SPAG16: variants seen among roughly 807,000 people sequenced by gnomAD.
SPAG16 encodes the protein sperm-associated antigen 16 protein.
Under a neutral mutation model 80.4 loss-of-function variants are expected in SPAG16, and 86 were observed. That is an observed-to-expected ratio of 1.07 (90% CI 0.90 to 1.28). The LOEUF (loss-of-function observed/expected upper bound fraction) is 1.28. SPAG16 is among the 50% of genes most tolerant of loss of function. SPAG16 has a pLI of 0.00. For missense variants in SPAG16, 870 were observed against 765.3 expected, an observed-to-expected ratio of 1.14 and a Z score of -1.61; for synonymous variants, 294 against 265.9, an observed-to-expected ratio of 1.11 and a Z score of -1.03.
At chr2:213,328,280 A>T (rs1473346817) in intron 5 of SPAG16, among the ~76,000 whole-genome samples, 2 of 152,056 alleles carry the variant, frequency 1.3e-5, no homozygotes, top group Non-Finnish European at 2.9e-5. Flanking sequence ...ACTTTTTTTT[A>T]AAAATACAGG....
intron 10 of SPAG16, among the ~76,000 whole-genome samples, chr2:213,816,874 A>G (rs962131071): frequency 3.3e-5 from 5 of 152,032 alleles, no homozygotes; most frequent in African/African-American, 9.7e-5. Flanking sequence ...GTGAAGCCCA[A>G]TATTACTGTA....
intron 12 of SPAG16, among the ~76,000 whole-genome samples, chr2:213,968,595 G>C (rs2044846452): frequency 6.6e-6 from 1 of 152,166 alleles, no homozygotes; most frequent in Non-Finnish European, 1.5e-5. Context: ...CTGTATGTTT[G>C]GGCAATGATT....
intron 10 of SPAG16, among the ~76,000 whole-genome samples, chr2:213,606,367 C>T (rs1425134777): frequency 6.6e-6 from 1 of 152,162 alleles, no homozygotes; most frequent in Non-Finnish European, 1.5e-5. Context: ...AATTCACGCT[C>T]CCACAAGCAA....
At chr2:213,976,135 T>TATATATATATATATATACACACAC (rs749957411) in intron 12 of SPAG16, among the ~76,000 whole-genome samples, 3 of 81,414 alleles carry the variant, frequency 3.7e-5, no homozygotes, top group African/African-American at 1.1e-4. Flanking sequence ...TATATATATA[T>TATATATATATATATATACACACAC]ACACACACAC....
chr2:213,309,123 AT>A (rs887521647), intron 3 of SPAG16, among the ~76,000 whole-genome samples: 2 of 152,072 alleles, frequency 1.3e-5, no homozygotes, highest in Admixed American at 1.3e-4. Flanking sequence ...GTGCTTCAGA[AT>A]TTTTGGCTAT....
chr2:213,389,804 A>G (rs1320829375), intron 9 of SPAG16, among the ~76,000 whole-genome samples: 1 of 152,182 alleles, frequency 6.6e-6, no homozygotes, highest in Non-Finnish European at 1.5e-5. Context: ...TGGTATAGTC[A>G]CTATGGGAAA....
chr2:213,885,038 C>A (rs1330780494), intron 11 of SPAG16, among the ~76,000 whole-genome samples: 1 of 152,106 alleles, frequency 6.6e-6, no homozygotes, highest in Admixed American at 6.6e-5. Flanking sequence ...TGGTAGACTC[C>A]TTTGGAGGTA....
intron 10 of SPAG16, among the ~76,000 whole-genome samples, chr2:213,590,433 A>G (rs1261215505): frequency 1.3e-5 from 2 of 151,612 alleles, no homozygotes; most frequent in Non-Finnish European, 2.9e-5. Context: ...AAAGAACTTC[A>G]ACAAAACAAC....
At chr2:214,035,269 C>T (rs549559151) in intron 13 of SPAG16, among the ~76,000 whole-genome samples, 5 of 152,272 alleles carry the variant, frequency 3.3e-5, no homozygotes, top group South Asian at 2.1e-4. Flanking sequence ...TTCCCACTCG[C>T]GTCCATGGGC....
intron 10 of SPAG16, among the ~76,000 whole-genome samples, chr2:213,832,504 A>G (rs1221135733): frequency 6.6e-6 from 1 of 152,120 alleles, no homozygotes; most frequent in Non-Finnish European, 1.5e-5. Flanking sequence ...CATAGAAAGT[A>G]CAGTCCCTCT....
chr2:213,976,693 G>T (rs1366224651), intron 12 of SPAG16, among the ~76,000 whole-genome samples: 1 of 152,018 alleles, frequency 6.6e-6, no homozygotes, highest in South Asian at 2.1e-4. Flanking sequence ...CATATGAAAG[G>T]CTTGAAGAGA....
chr2:214,402,580 GA>G (rs1701770997), intron 15 of SPAG16, among the ~76,000 whole-genome samples: 1 of 151,830 alleles, frequency 6.6e-6, no homozygotes, highest in Non-Finnish European at 1.5e-5. Context: ...TGCCAACATA[GA>G]AAGCATAAGC....
Position 213,930,028 on chromosome 2 carries a change from GCATTTTGACCTTTGAAGGA to G in SPAG16, c.1286_1304del (p.Ile429ThrfsTer47). 1 of 1,614,122 alleles carries G rather than the reference GCATTTTGACCTTTGAAGGA, an allele frequency of 6.2e-7. No individual in the cohort carries two copies. The highest frequency in any genetic ancestry group is 8.5e-7 in the Non-Finnish European group (1 of 1,179,966). On this transcript the variant is annotated frameshift_variant, in exon 12 of 16. Coordinates refer to ENST00000331683, the MANE Select transcript of SPAG16 (RefSeq NM_024532.5). LOFTEE classifies it high-confidence loss of function. The stretch of plus-strand genomic sequence containing the variant: ...TTATGGGATCTATGTAAAGGCGATT[GCATTTTGACCTTTGAAGGA>G]CACAGCCGCGCAGTGTGGTCCTGCA...
intron 9 of SPAG16, among the ~76,000 whole-genome samples, chr2:213,414,005 T>A (rs2125406411): frequency 6.6e-6 from 1 of 152,292 alleles, no homozygotes; most frequent in Non-Finnish European, 1.5e-5. Flanking sequence ...ATGTTTAACT[T>A]TGTACCTGAA....
At chr2:213,531,807 T>A (rs1231887650) in intron 10 of SPAG16, among the ~76,000 whole-genome samples, 10 of 152,204 alleles carry the variant, frequency 6.6e-5, no homozygotes, top group Admixed American at 6.5e-4. Context: ...ATTCCATTTT[T>A]TTCCTACACA....
At chr2:214,006,201 G>T (rs1259295730) in intron 12 of SPAG16, among the ~76,000 whole-genome samples, 2 of 151,690 alleles carry the variant, frequency 1.3e-5, no homozygotes, top group African/African-American at 4.9e-5. Flanking sequence ...ACATTTTGTT[G>T]ACCTGCATAT....
At chr2:213,796,518 T>C (rs913169727) in intron 10 of SPAG16, among the ~76,000 whole-genome samples, 1 of 152,192 alleles carries the variant, frequency 6.6e-6, no homozygotes. Context: ...GGATATACAG[T>C]CATGTGCCAC....
chr2:214,217,233 A>G (rs1278910854), intron 15 of SPAG16, among the ~76,000 whole-genome samples: 2 of 152,254 alleles, frequency 1.3e-5, no homozygotes, highest in Non-Finnish European at 2.9e-5. Context: ...TTAGACTTTA[A>G]AAATCCAATT....
At chr2:213,663,478 A>G (rs2063496058) in intron 10 of SPAG16, among the ~76,000 whole-genome samples, 1 of 152,128 alleles carries the variant, frequency 6.6e-6, no homozygotes, top group Admixed American at 6.5e-5. Context: ...AGTGAGAACC[A>G]TCAAGGCAGT....
Sources: allele counts gnomAD v4.1 joint callset (sites outside exome capture counted in the v4.1 genomes callset), GRCh38; gene constraint gnomAD v4.1.1; transcripts MANE v1.5; gene names NCBI Gene and HGNC (gene_info 2026-07-23, HGNC 2026-07-21).